MAP2K4: variants seen among roughly 807,000 people sequenced by gnomAD.
The protein encoded by MAP2K4 is mitogen-activated protein kinase kinase 4.
In MAP2K4, 4 loss-of-function variants were observed where a neutral mutation model predicts 48.5. The ratio of observed to expected loss-of-function variants is 0.08; its 90% CI spans 0.04 to 0.19. The LOEUF (loss-of-function observed/expected upper bound fraction) is 0.19. Ranked by LOEUF, MAP2K4 falls within the 10% of genes least tolerant of loss-of-function variation. The pLI, the probability that MAP2K4 is intolerant of heterozygous loss-of-function variation, is 1.00. For synonymous variants in MAP2K4, 166 were observed against 173.1 expected, an observed-to-expected ratio of 0.96 and a Z score of 0.32; for missense variants, 258 against 493.3, an observed-to-expected ratio of 0.52 and a Z score of 4.52.
intron 3 of MAP2K4, chr17:12,082,064 A>G (rs1971207667): frequency 4.9e-6 from 2 of 410,652 alleles, no homozygotes; most frequent in Non-Finnish European, 1.1e-5. Flanking sequence ...CTGGTTTTAA[A>G]GTTGTACTGA....
At chr17:12,084,873 A>G (rs553074731) in intron 3 of MAP2K4, among the ~76,000 whole-genome samples, 27 of 152,200 alleles carry the variant, frequency 1.8e-4, no homozygotes, top group Non-Finnish European at 2.5e-4. Context: ...AGAAACACCT[A>G]GCATCATCAG....
At chr17:12,112,728 G>A (rs1159057400) in intron 6 of MAP2K4, among the ~76,000 whole-genome samples, 1 of 152,204 alleles carries the variant, frequency 6.6e-6, no homozygotes, top group African/African-American at 2.4e-5. Context: ...GATTGTCAAT[G>A]AGAAAGGGAT....
At chr17:12,134,586 T>A (rs1400953027) in intron 9 of MAP2K4, among the ~76,000 whole-genome samples, 1 of 152,242 alleles carries the variant, frequency 6.6e-6, no homozygotes, top group African/African-American at 2.4e-5. Context: ...TTTAGCTGAT[T>A]GTAGACAAAG....
At chr17:12,102,272 A>T (rs1226035142) in intron 4 of MAP2K4, among the ~76,000 whole-genome samples, 1 of 151,976 alleles carries the variant, frequency 6.6e-6, no homozygotes, top group African/African-American at 2.4e-5. Flanking sequence ...TGTTTTTGAG[A>T]TGTATGGTTT....
At chr17:12,090,570 T>G (rs1246576100) in intron 3 of MAP2K4, among the ~76,000 whole-genome samples, 3 of 152,176 alleles carry the variant, frequency 2.0e-5, no homozygotes, top group South Asian at 4.1e-4. Flanking sequence ...CAGCCTGCCT[T>G]CCTTTGCCAC....
chr17:12,134,344 A>C (rs1236625353), intron 9 of MAP2K4, among the ~76,000 whole-genome samples: 2 of 152,230 alleles, frequency 1.3e-5, no homozygotes, highest in Non-Finnish European at 2.9e-5. Context: ...AGAAAAAAAA[A>C]CAAGGTAAAA....
At position 12,141,709 on chromosome 17, in the gene MAP2K4, A is replaced by G. The variant is rs146597820; in HGVS notation, c.*449A>G. 146 of 238,512 alleles carry G rather than the reference A, an allele frequency of 6.1e-4. No individual in the cohort carries two copies. The East Asian group carries it at 7.7e-3, about 13-fold the overall frequency. The allele number at this position is 238,512 out of a possible 1,614,324, so 14.8% of individuals were successfully genotyped here. A position where few individuals can be genotyped will look rare whatever the true frequency, so the allele number is the denominator to read the frequency against. On this transcript the variant is annotated 3_prime_UTR_variant, in exon 11 of 11. Transcript: ENST00000353533. ...TGAGTGAGAAGAGCTTGCACAGCCA[A>G]CGAGACACATTGCCTTCTGGAGCTG...
At chr17:12,128,945 A>G (rs932251763) in intron 8 of MAP2K4, among the ~76,000 whole-genome samples, 194 bp from the exon 9 acceptor site, 10 of 152,216 alleles carry the variant, frequency 6.6e-5, no homozygotes, top group African/African-American at 2.2e-4. Context: ...AGAATTCTCT[A>G]TATTATTTTG....
At chr17:12,118,116 A>G (rs527457083) in intron 7 of MAP2K4, among the ~76,000 whole-genome samples, 8 of 152,318 alleles carry the variant, frequency 5.3e-5, no homozygotes, top group African/African-American at 1.7e-4. Flanking sequence ...TTAAAGATTT[A>G]TGGTGATAAA....
At chr17:12,129,842 G>T (rs190875475) in intron 9 of MAP2K4, among the ~76,000 whole-genome samples, 189 of 152,294 alleles carry the variant, frequency 1.2e-3, no homozygotes, top group African/African-American at 4.4e-3. Context: ...GTTGTTGTTT[G>T]TCTACCTTTT....
At chr17:12,088,866 T>A (rs1417666570) in intron 3 of MAP2K4, among the ~76,000 whole-genome samples, 1 of 151,050 alleles carries the variant, frequency 6.6e-6, no homozygotes, top group Admixed American at 6.6e-5. Flanking sequence ...CATCATATAA[T>A]TGGACAGGAC....
intron 1 of MAP2K4, among the ~76,000 whole-genome samples, chr17:12,028,986 GA>G (rs1447729856): frequency 5.6e-4 from 86 of 152,234 alleles, no homozygotes; most frequent in African/African-American, 2.0e-3. Context: ...TTCACAGTTG[GA>G]ACTAGAACTC....
chr17:12,036,244 AAGAACAC>A (rs1969595197), intron 1 of MAP2K4, among the ~76,000 whole-genome samples: 2 of 152,206 alleles, frequency 1.3e-5, no homozygotes, highest in South Asian at 4.1e-4. Flanking sequence ...GTCTGAATGT[AAGAACAC>A]TTTAGGGAAA....
chr17:12,033,682 T>G (rs572857803), intron 1 of MAP2K4, among the ~76,000 whole-genome samples: 2 of 152,352 alleles, frequency 1.3e-5, no homozygotes, highest in East Asian at 3.9e-4. Context: ...TGCTTTTAAT[T>G]TTGACACATT....
chr17:12,077,941 C>T (rs1166016892), intron 2 of MAP2K4, among the ~76,000 whole-genome samples: 1 of 152,200 alleles, frequency 6.6e-6, no homozygotes, highest in East Asian at 1.9e-4. Flanking sequence ...AGAGTGAACT[C>T]TGTGGTCTCT....
rs978664405 is a variant in MAP2K4 at position 12,081,624 on chromosome 17, G to C, written c.393+94G>C. Reference sequence around the variant, plus strand: ...ACTGTTGTTGTGTTCCTACTTTTGTGGTAAATGTGGGTGTTTAAAAAATTG... The same window carrying C: ...ACTGTTGTTGTGTTCCTACTTTTGTCGTAAATGTGGGTGTTTAAAAAATTG... On this transcript the variant is annotated intron_variant, in intron 3 of 10. Coordinates refer to ENST00000353533, the MANE Select transcript of MAP2K4 (RefSeq NM_003010.4). This position sits in a 1 kb window ranked among gnomAD's most constrained non-coding sequence, Gnocchi z 4.2. The C allele has an allele frequency of 2.4e-6, 3 of 1,261,300 alleles. No homozygotes were observed. The highest frequency in any genetic ancestry group is 3.3e-6 in the Non-Finnish European group (3 of 903,912). The allele number at this position is 1,261,300 out of a possible 1,614,324, so 78.1% of individuals were successfully genotyped here. A position where few individuals can be genotyped will look rare whatever the true frequency, so the allele number is the denominator to read the frequency against.
intron 3 of MAP2K4, among the ~76,000 whole-genome samples, chr17:12,089,274 C>A (rs1314149632): frequency 6.6e-6 from 1 of 152,058 alleles, no homozygotes; most frequent in African/African-American, 2.4e-5. Flanking sequence ...GGAACAAGCC[C>A]CCTGCACTGA....
intron 4 of MAP2K4, among the ~76,000 whole-genome samples, chr17:12,100,332 T>G (rs1440926901): frequency 6.6e-6 from 1 of 152,198 alleles, no homozygotes; most frequent in Admixed American, 6.5e-5. Flanking sequence ...AGTATGTACT[T>G]CTCTTTTTCA....
At chr17:12,093,533 A>G (rs1971633769) in intron 3 of MAP2K4, among the ~76,000 whole-genome samples, 1 of 152,192 alleles carries the variant, frequency 6.6e-6, no homozygotes, top group Non-Finnish European at 1.5e-5. Flanking sequence ...TATTTGTACA[A>G]ATGTGTATTT....
Sources: allele counts gnomAD v4.1 joint callset (sites outside exome capture counted in the v4.1 genomes callset), GRCh38; gene constraint gnomAD v4.1.1; non-coding constraint Gnocchi (gnomAD v3.1); transcripts MANE v1.5; gene names NCBI Gene and HGNC (gene_info 2026-07-23, HGNC 2026-07-21).